Variants in SNTG2 observed in about 807,000 individuals in gnomAD.
The protein encoded by SNTG2 is gamma-2-syntrophin.
Under a neutral mutation model 70.9 loss-of-function variants are expected in SNTG2, and 74 were observed. That is an observed-to-expected ratio of 1.04 (90% CI 0.86 to 1.27). The LOEUF is 1.27. Ranked by LOEUF, SNTG2 falls within the 50% of genes most tolerant of loss-of-function variation. The pLI is 0.00. For synonymous variants in SNTG2, 278 were observed against 273.8 expected (o/e 1.02, Z -0.15); for missense variants, 717 against 690.7 (o/e 1.04, Z -0.43).
At position 1,165,561 on chromosome 2, in the gene SNTG2, G is replaced by A. The variant is rs1402241743; in HGVS notation, c.425G>A (p.Arg142Lys). Reference protein sequence around the residue: ...ATHEEVVHLLRNAGDEVTITV... With the variant: ...ATHEEVVHLLKNAGDEVTITV... ...TCATATTGACAGGTGCATCTGCTGA[G>A]AAATGCTGGCGATGAAGTTACCATC... The change falls in exon 7 of 17, where the codon AGA becomes AAA. Residue 142 changes from arginine (R) to lysine (K), a missense_variant. Transcript: ENST00000308624. 3 of 1,612,578 alleles carry A rather than the reference G, an allele frequency of 1.9e-6. No homozygotes were observed. The highest frequency in any genetic ancestry group is 2.5e-6 in the Non-Finnish European group (3 of 1,179,508).
At chr2:1,000,848 A>G (rs1257410370) in intron 1 of SNTG2, among the ~76,000 whole-genome samples, 1 of 152,024 alleles carries the variant, frequency 6.6e-6, no homozygotes, top group Non-Finnish European at 1.5e-5. Context: ...ATAGATGAAC[A>G]TAGATGCAAA....
chr2:1,071,653 A>T (rs1572361464), intron 1 of SNTG2, among the ~76,000 whole-genome samples: 2 of 147,722 alleles, frequency 1.4e-5, no homozygotes, highest in African/African-American at 5.3e-5. Context: ...ATAATAATAA[A>T]AAAAAAAAAA....
At chr2:1,032,955 G>A (rs146502571) in intron 1 of SNTG2, among the ~76,000 whole-genome samples, 2,496 of 152,250 alleles carry the variant, frequency 0.016, 51 homozygotes, top group Middle Eastern at 0.061. Context: ...TTCCAATCGC[G>A]GCAGAATGCA....
chr2:1,269,182 T>G (rs555370340), intron 14 of SNTG2, among the ~76,000 whole-genome samples: 3 of 152,174 alleles, frequency 2.0e-5, no homozygotes, highest in Non-Finnish European at 4.4e-5. Flanking sequence ...TAGTCCTTCC[T>G]TATGTTTCGT....
intron 1 of SNTG2, among the ~76,000 whole-genome samples, chr2:1,004,811 A>G (rs1659517127): frequency 6.6e-6 from 1 of 152,234 alleles, no homozygotes; most frequent in Non-Finnish European, 1.5e-5. Context: ...TGCTCTCTGG[A>G]CTTTACCCAA....
chr2:1,355,331 C>G (rs757058651), intron 16 of SNTG2, among the ~76,000 whole-genome samples: 1 of 152,180 alleles, frequency 6.6e-6, no homozygotes, highest in Non-Finnish European at 1.5e-5. Flanking sequence ...AAACTGCACC[C>G]GTGGAACGGC....
At chr2:1,268,272 G>A (rs934165359) in intron 14 of SNTG2, among the ~76,000 whole-genome samples, 1 of 152,222 alleles carries the variant, frequency 6.6e-6, no homozygotes, top group African/African-American at 2.4e-5. Flanking sequence ...CTCCCGCCTG[G>A]CTGAGCGCGG....
chr2:1,079,695 T>C (rs1664155476), intron 1 of SNTG2, among the ~76,000 whole-genome samples: 1 of 152,178 alleles, frequency 6.6e-6, no homozygotes, highest in Non-Finnish European at 1.5e-5. Flanking sequence ...GACACCAAGT[T>C]CAGTGTTTTC....
intron 1 of SNTG2, among the ~76,000 whole-genome samples, chr2:986,065 A>AGTAGAG (rs1553304930): frequency 1.6e-5 from 1 of 62,804 alleles, no homozygotes; most frequent in Non-Finnish European, 3.5e-5. Context: ...CCCTGCAAAT[A>AGTAGAG]ATAGAGAGAG....
intron 4 of SNTG2, among the ~76,000 whole-genome samples, chr2:1,114,555 T>C (rs1386279045): frequency 2.0e-5 from 3 of 148,708 alleles, no homozygotes; most frequent in Admixed American, 2.0e-4. Context: ...GGATCTTCTC[T>C]ACTAAGTGAG....
chr2:1,151,066 A>G (rs1474170857), intron 6 of SNTG2, among the ~76,000 whole-genome samples: 1 of 152,230 alleles, frequency 6.6e-6, no homozygotes, highest in Non-Finnish European at 1.5e-5. Context: ...ATTACCACTG[A>G]GTTGGAAAAG....
chr2:1,279,130 G>C (rs891399509), intron 14 of SNTG2, among the ~76,000 whole-genome samples: 1 of 151,796 alleles, frequency 6.6e-6, no homozygotes, highest in African/African-American at 2.4e-5. Context: ...TCACCCGTCA[G>C]TGCGCGAATC....
At chr2:1,075,817 A>G (rs1447605324) in intron 1 of SNTG2, among the ~76,000 whole-genome samples, 1 of 152,248 alleles carries the variant, frequency 6.6e-6, no homozygotes, top group Non-Finnish European at 1.5e-5. Context: ...CCATAAAGAT[A>G]ACCTGCCAGA....
chr2:1,104,983 C>T (rs901760214), intron 4 of SNTG2, among the ~76,000 whole-genome samples: 12 of 152,212 alleles, frequency 7.9e-5, no homozygotes, highest in Non-Finnish European at 8.8e-5. Context: ...GTTCCATCTC[C>T]GGGAAGGAAA....
intron 6 of SNTG2, among the ~76,000 whole-genome samples, chr2:1,146,182 A>T (rs1250742485): frequency 1.3e-5 from 2 of 152,174 alleles, no homozygotes; most frequent in African/African-American, 4.8e-5. Context: ...TTTCAACACC[A>T]TACTGAAAGT....
intron 1 of SNTG2, among the ~76,000 whole-genome samples, chr2:1,067,607 T>G (rs1663241757): frequency 1.3e-5 from 2 of 152,208 alleles, no homozygotes; most frequent in South Asian, 4.1e-4. Flanking sequence ...AAGTTTGGGC[T>G]CAAAGAGAGC....
intron 16 of SNTG2, among the ~76,000 whole-genome samples, chr2:1,341,988 G>C (rs1660122701): frequency 6.6e-6 from 1 of 152,062 alleles, no homozygotes; most frequent in Non-Finnish European, 1.5e-5. Flanking sequence ...TGGGATTACA[G>C]CTGTGCACCA....
Position 962,947 on chromosome 2 carries a change from C to T in SNTG2, c.72+11879C>T, listed in dbSNP as rs565653974. Among the ~76,000 whole-genome samples, 11 of 152,284 alleles carry T rather than the reference C, an allele frequency of 7.2e-5. No individual in the cohort carries two copies. The East Asian group carries it at 2.1e-3, about 29-fold the overall frequency. ...TCTACTAGCGGGGAATTTGGAGGTACTGCAAATATTTCAAACCAGAAAAGG... is the reference window on the plus strand; with the variant it reads ...TCTACTAGCGGGGAATTTGGAGGTATTGCAAATATTTCAAACCAGAAAAGG... On this transcript the variant is annotated intron_variant, in intron 1 of 16. Coordinates refer to ENST00000308624, the MANE Select transcript of SNTG2 (RefSeq NM_018968.4).
rs1673367511 is a variant in SNTG2 at position 1,202,896 on chromosome 2, A to G, written c.592-6207A>G. On this transcript the variant is annotated intron_variant, in intron 8 of 16. Transcript: ENST00000308624. ...ATTGTAAATATGGTATGTACCTTAT[A>G]ACAGAGCTCCCAAATACAAACCAAA... Among the ~76,000 whole-genome samples the G allele has an allele frequency of 2.6e-5, 4 of 152,372 alleles. No individual in the cohort carries two copies. The South Asian group carries it at 6.2e-4, about 24-fold the overall frequency.
Sources: allele counts gnomAD v4.1 joint callset (sites outside exome capture counted in the v4.1 genomes callset), GRCh38; gene constraint gnomAD v4.1.1; transcripts MANE v1.5; gene names NCBI Gene and HGNC (gene_info 2026-07-23, HGNC 2026-07-21).